The following CD84 variants were observed in gnomAD, a reference collection of about 807,000 sequenced individuals.
The protein encoded by CD84 is SLAM family member 5.
Under a neutral mutation model 33.8 loss-of-function variants are expected in CD84, and 22 were observed. The ratio of observed to expected loss-of-function variants is 0.65; its 90% CI spans 0.46 to 0.93. The LOEUF (loss-of-function observed/expected upper bound fraction) is 0.93. Ranked by LOEUF, CD84 falls within the 40% of genes least tolerant of loss-of-function variation. The pLI is 0.00. For missense variants in CD84, 400 were observed against 397.6 expected, an observed-to-expected ratio of 1.01 and a Z score of -0.05; for synonymous variants, 154 against 145.2, an observed-to-expected ratio of 1.06 and a Z score of -0.44.
chr1:160,575,494 A>AACACACACACACAC (rs3078967), intron 1 of CD84, among the ~76,000 whole-genome samples: 1,540 of 146,768 alleles, frequency 0.01, 29 homozygotes, highest in African/African-American at 0.037. Flanking sequence ...GTTCCTTCAA[A>AACACACACACACAC]ACACACACAC....
At chr1:160,555,986 T>C (rs1008556857) in intron 2 of CD84, among the ~76,000 whole-genome samples, 1 of 152,186 alleles carries the variant, frequency 6.6e-6, no homozygotes, top group Non-Finnish European at 1.5e-5. Context: ...GGTACAGACC[T>C]GGATTAACTA....
intron 2 of CD84, among the ~76,000 whole-genome samples, chr1:160,557,468 G>C (rs934345433): frequency 9.2e-5 from 14 of 152,300 alleles, no homozygotes; most frequent in African/African-American, 3.1e-4. Flanking sequence ...TTGCATTTTA[G>C]TGGGTGACCT....
At position 160,565,145 on chromosome 1, in the gene CD84, G is replaced by A. The variant is rs73018380; in HGVS notation, c.388+259C>T. Among the ~76,000 whole-genome samples the A allele has an allele frequency of 9.7e-3, 1,481 of 152,146 alleles. 29 individuals carry two copies. Among genetic ancestry groups the A allele is most frequent in the African/African-American group, 0.034 (1,413 of 41,498 alleles). ...GATAACCCTGGGAAGTGAGTAGTATGATCATTGACATTATGTAAAAAAGAA... is the reference window on the plus strand; with the variant it reads ...GATAACCCTGGGAAGTGAGTAGTATAATCATTGACATTATGTAAAAAAGAA... On this transcript the variant is annotated intron_variant, in intron 2 of 6. Transcript: ENST00000368054.
intron 2 of CD84, among the ~76,000 whole-genome samples, chr1:160,557,239 G>A (rs946887877): frequency 6.6e-6 from 1 of 152,148 alleles, no homozygotes; most frequent in Non-Finnish European, 1.5e-5. Context: ...CCCAACATTA[G>A]CGTTCTTTCC....
At chr1:160,564,653 C>A (rs929191536) in intron 2 of CD84, among the ~76,000 whole-genome samples, 9 of 152,074 alleles carry the variant, frequency 5.9e-5, no homozygotes, top group Non-Finnish European at 1.3e-4. Flanking sequence ...TGAAAAATAC[C>A]CAACCTCAAA....
At chr1:160,576,066 C>T (rs960411974) in intron 1 of CD84, among the ~76,000 whole-genome samples, 15 of 152,156 alleles carry the variant, frequency 9.9e-5, no homozygotes, top group African/African-American at 3.6e-4. Context: ...TGGTAGTCAT[C>T]TGCTTAAATC....
At chr1:160,552,601 C>T (rs80277172) in intron 4 of CD84, 9,313 of 758,854 alleles carry the variant, frequency 0.012, 111 homozygotes, top group Middle Eastern at 0.029. Context: ...GGGACTTTCA[C>T]GCCTAGACTG....
chr1:160,549,921 T>C lies in CD84; in HGVS notation c.917A>G (p.Asp306Gly). The change falls in exon 6 of 7, where the codon GAT becomes GGT. Residue 306 changes from aspartate to glycine, a missense_variant. By Grantham distance (94) the Asp-to-Gly change is moderately conservative. Transcript: ENST00000368054. ...NTVYSEVQFA[D>G]KMGKASTQDS... ...AAAAAGCCAGAAAGGGGTTACCTTA[T>C]CAGCAAACTGCACTTCGGAATAAAC... The C allele has an allele frequency of 2.5e-6, 4 of 1,611,094 alleles. No individual in the cohort carries two copies. Among genetic ancestry groups the C allele is most frequent in the Non-Finnish European group, 3.4e-6 (4 of 1,177,334 alleles).
At chr1:160,569,566 A>G (rs1397382643) in intron 1 of CD84, among the ~76,000 whole-genome samples, 1 of 151,926 alleles carries the variant, frequency 6.6e-6, no homozygotes, top group East Asian at 1.9e-4. Flanking sequence ...ACGCACACAC[A>G]CAATTCTCCT....
intron 2 of CD84, among the ~76,000 whole-genome samples, chr1:160,555,826 G>A (rs948731835): frequency 2.0e-5 from 3 of 152,132 alleles, no homozygotes; most frequent in East Asian, 1.9e-4. Context: ...ATTATCTTGC[G>A]TTTGTGAAGG....
chr1:160,572,957 C>G (rs1299406429), intron 1 of CD84, among the ~76,000 whole-genome samples: 2 of 152,070 alleles, frequency 1.3e-5, no homozygotes, highest in Non-Finnish European at 2.9e-5. Context: ...GTTGCCTTCC[C>G]CTCCTGGATT....
chr1:160,561,991 A>G (rs960896405), intron 2 of CD84, among the ~76,000 whole-genome samples: 4 of 152,234 alleles, frequency 2.6e-5, no homozygotes, highest in Admixed American at 2.6e-4. Flanking sequence ...CTACAAAAAG[A>G]TTAATATGCC....
chr1:160,549,269 A>G (rs1038522512), intron 6 of CD84, among the ~76,000 whole-genome samples: 1 of 152,164 alleles, frequency 6.6e-6, no homozygotes, highest in Non-Finnish European at 1.5e-5. Context: ...GCTATTAAAC[A>G]GGAATACTTA....
At chr1:160,556,967 A>C (rs1361343590) in intron 2 of CD84, among the ~76,000 whole-genome samples, 1 of 152,206 alleles carries the variant, frequency 6.6e-6, no homozygotes, top group Non-Finnish European at 1.5e-5. Context: ...CTTTGACTAC[A>C]TTATTCAAGC....
intron 1 of CD84, among the ~76,000 whole-genome samples, chr1:160,576,659 G>A (rs1416595132): frequency 6.6e-6 from 1 of 152,158 alleles, no homozygotes; most frequent in Admixed American, 6.6e-5. Flanking sequence ...ACTCAGAGGT[G>A]AAGTCTAAGG....
rs776004624 is a variant in CD84 at position 160,551,111 on chromosome 1, T to C, written c.761-76A>G. ...AGCAATGATCTATTCCAATGTTCTC[T>C]TTTTAAGATGAAGAAAGGAAGCCCC... On this transcript the variant is annotated intron_variant, in intron 4 of 6. Coordinates refer to ENST00000368054, the MANE Select transcript of CD84 (RefSeq NM_003874.4). The C allele has an allele frequency of 1.7e-4, 182 of 1,081,684 alleles. No homozygotes were observed. Among genetic ancestry groups the C allele is most frequent in the Admixed American group, 2.7e-4 (15 of 54,662 alleles). The allele number at this position is 1,081,684 out of a possible 1,614,324, so 67.0% of individuals were successfully genotyped here.
intron 5 of CD84, chr1:160,550,618 C>T: frequency 1.0e-6 from 1 of 985,332 alleles, no homozygotes; most frequent in South Asian, 4.7e-5. Context: ...CACCTCACTC[C>T]AGTAGCTCCT....
At chr1:160,571,949 C>T (rs772690601) in intron 1 of CD84, among the ~76,000 whole-genome samples, 1 of 151,632 alleles carries the variant, frequency 6.6e-6, no homozygotes, top group Non-Finnish European at 1.5e-5. Flanking sequence ...AAAGGGCAGG[C>T]AGTGGAAGCT....
chr1:160,554,268 T>A lies in CD84; in HGVS notation c.389-122A>T, dbSNP rs554673888. The A allele has an allele frequency of 1.7e-5, 17 of 1,004,714 alleles. No individual in the cohort carries two copies. In the East Asian group the frequency reaches 4.5e-4, roughly 27 times the overall value. The allele number at this position is 1,004,714 out of a possible 1,614,324, so 62.2% of individuals were successfully genotyped here. ...CATTAAAAATTAAATTATAAAAACA[T>A]AATTAAATAAATTATGTTAAAAATA... On this transcript the variant is annotated intron_variant, in intron 2 of 6. Coordinates refer to ENST00000368054, the MANE Select transcript of CD84 (RefSeq NM_003874.4).
Sources: gnomAD v4.1 joint callset for allele counts (sites outside exome capture counted in the v4.1 genomes callset) on GRCh38, gnomAD v4.1.1 for gene constraint, MANE v1.5 for transcripts, NCBI Gene and HGNC (gene_info 2026-07-23, HGNC 2026-07-21) for gene names.